GRID1: variants seen among roughly 807,000 people sequenced by gnomAD.
The protein encoded by GRID1 is glutamate receptor ionotropic, delta-1.
A neutral mutation model predicts 98.0 loss-of-function variants in GRID1; 28 were observed. That is an observed-to-expected ratio of 0.29 (90% CI 0.21 to 0.39). GRID1 has a LOEUF of 0.39. GRID1 is among the 10% of genes least tolerant of loss of function. GRID1 has a pLI of 1.00. For synonymous variants in GRID1, 553 were observed against 538.5 expected (o/e 1.03, Z -0.37); for missense variants, 1,111 against 1,340.5 (o/e 0.83, Z 2.67).
intron 4 of GRID1, among the ~76,000 whole-genome samples, chr10:85,947,200 C>CA (rs1842064516): frequency 1.3e-5 from 2 of 152,052 alleles, no homozygotes; most frequent in African/African-American, 2.4e-5. Context: ...CCGCTGCAGT[C>CA]AAAAAAGGCT....
rs1416850526 is a variant in GRID1 at position 85,954,668 on chromosome 10, T to G, written c.727-38429A>C. ...AGTGTACTCTAGCATAAGCATAAAA[T>G]AGCAAAATCAGGCAATACTTGTCCT... On this transcript the variant is annotated intron_variant, in intron 4 of 15. Transcript: ENST00000327946. 3.9e-5 allele frequency among the ~76,000 whole-genome samples: 6 copies of G among 152,188 alleles called. 1 individual carries two copies. Among genetic ancestry groups the G allele is most frequent in the Non-Finnish European group, 8.8e-5 (6 of 68,018 alleles).
At chr10:85,689,860 G>A (rs184796819) in intron 12 of GRID1, among the ~76,000 whole-genome samples, 3 of 152,164 alleles carry the variant, frequency 2.0e-5, no homozygotes, top group Non-Finnish European at 4.4e-5. Context: ...TTCATATGTA[G>A]AGAACCAGAA....
intron 3 of GRID1, among the ~76,000 whole-genome samples, chr10:86,205,167 G>C (rs1846007891): frequency 6.6e-6 from 1 of 152,256 alleles, no homozygotes; most frequent in Non-Finnish European, 1.5e-5. Flanking sequence ...TCCAGTCTTA[G>C]AGAAGAAGAG....
chr10:86,148,718 CA>C (rs140734751), intron 3 of GRID1, among the ~76,000 whole-genome samples: 1 of 151,380 alleles, frequency 6.6e-6, no homozygotes, highest in Non-Finnish European at 1.5e-5. Flanking sequence ...TTGTATACCA[CA>C]AAAAAAATAC....
chr10:85,986,291 C>T (rs1842607646), intron 4 of GRID1, among the ~76,000 whole-genome samples: 1 of 152,224 alleles, frequency 6.6e-6, no homozygotes, highest in African/African-American at 2.4e-5. Flanking sequence ...GTCTTAAAGG[C>T]AACTACCTGC....
chr10:85,727,974 C>A lies in GRID1; in HGVS notation c.1414G>T (p.Asp472Tyr). Reference sequence around the variant, plus strand: ...AAGCCCAGAGCCTTGGCCAGTGCATCCAGGACATCTATGGAGAACCCTTTG... The same window carrying A: ...AAGCCCAGAGCCTTGGCCAGTGCATACAGGACATCTATGGAGAACCCTTTG... ...RYKGFSIDVL[D>Y]ALAKALGFKY... is the part of the protein sequence containing the mutation. The change falls in exon 10 of 16, where the codon GAT becomes TAT. Residue 472 changes from aspartate to tyrosine, a missense_variant. Transcript: ENST00000327946. 1 of 1,613,760 alleles carries A rather than the reference C, an allele frequency of 6.2e-7. No individual in the cohort carries two copies. Among genetic ancestry groups the A allele is most frequent in the Non-Finnish European group, 8.5e-7 (1 of 1,179,716 alleles).
intron 4 of GRID1, among the ~76,000 whole-genome samples, chr10:86,073,702 G>A (rs1843837292): frequency 6.6e-6 from 1 of 152,212 alleles, no homozygotes; most frequent in African/African-American, 2.4e-5. Flanking sequence ...ATGCCAGGGT[G>A]AAGCTGCCCA....
chr10:86,261,542 G>T (rs1427907508), intron 2 of GRID1, among the ~76,000 whole-genome samples: 1 of 152,160 alleles, frequency 6.6e-6, no homozygotes, highest in Non-Finnish European at 1.5e-5. Flanking sequence ...TCCACTAACC[G>T]CTAGGACCCA....
At chr10:86,242,357 A>C (rs951110589) in intron 2 of GRID1, among the ~76,000 whole-genome samples, 5 of 152,160 alleles carry the variant, frequency 3.3e-5, no homozygotes, top group African/African-American at 1.2e-4. Flanking sequence ...AGGAAGAGGG[A>C]GACTGCCTCC....
At chr10:86,074,646 GC>G (rs1341658398) in intron 4 of GRID1, among the ~76,000 whole-genome samples, 6 of 152,180 alleles carry the variant, frequency 3.9e-5, no homozygotes, top group Non-Finnish European at 8.8e-5. Context: ...TGTGAACAGT[GC>G]CACAGTAAAC....
chr10:86,268,365 G>A (rs1187561839), intron 2 of GRID1, among the ~76,000 whole-genome samples: 1 of 152,226 alleles, frequency 6.6e-6, no homozygotes, highest in Non-Finnish European at 1.5e-5. Context: ...TTGGATACTG[G>A]CTGCTTGTCA....
At chr10:85,703,581 T>A (rs982860978) in intron 12 of GRID1, among the ~76,000 whole-genome samples, 1 of 152,086 alleles carries the variant, frequency 6.6e-6, no homozygotes, top group South Asian at 2.1e-4. Flanking sequence ...AGGAGAGATA[T>A]GAATATATAG....
intron 8 of GRID1, among the ~76,000 whole-genome samples, chr10:85,840,510 T>G (rs1057352056): frequency 6.6e-6 from 1 of 151,916 alleles, no homozygotes; most frequent in African/African-American, 2.4e-5. Flanking sequence ...GAGAAAGAAA[T>G]AAAGTGCATC....
At chr10:85,752,243 A>C (rs1842054983) in intron 8 of GRID1, among the ~76,000 whole-genome samples, 1 of 152,192 alleles carries the variant, frequency 6.6e-6, no homozygotes, top group Non-Finnish European at 1.5e-5. Flanking sequence ...AGACACACTC[A>C]AACTGGAGAA....
intron 4 of GRID1, among the ~76,000 whole-genome samples, chr10:85,993,375 T>C (rs981275481): frequency 2.0e-5 from 3 of 152,240 alleles, no homozygotes; most frequent in Non-Finnish European, 2.9e-5. Flanking sequence ...CCCAGGACAC[T>C]GCCTCACATA....
chr10:86,243,902 C>T lies in GRID1; in HGVS notation c.236-37254G>A, dbSNP rs77839760. On this transcript the variant is annotated intron_variant, in intron 2 of 15. Transcript: ENST00000327946. ...ATCCAGCCTTCCCCAGTCCTCGCCACCATCTCTGCACACACGTGCCACACA... is the reference window on the plus strand; with the variant it reads ...ATCCAGCCTTCCCCAGTCCTCGCCATCATCTCTGCACACACGTGCCACACA... Among the ~76,000 whole-genome samples the T allele has an allele frequency of 2.5e-3, 374 of 152,350 alleles. 2 individuals carry two copies. The highest frequency in any genetic ancestry group is 7.9e-3 in the South Asian group (38 of 4,824).
intron 4 of GRID1, among the ~76,000 whole-genome samples, chr10:85,957,445 T>C (rs1197878127): frequency 2.0e-5 from 3 of 152,088 alleles, no homozygotes; most frequent in Non-Finnish European, 4.4e-5. Context: ...GGTCTTGGTG[T>C]TCCCCCCGGT....
chr10:85,625,355 C>T (rs775856479), intron 13 of GRID1, among the ~76,000 whole-genome samples: 2 of 152,226 alleles, frequency 1.3e-5, no homozygotes, highest in Non-Finnish European at 2.9e-5. Context: ...GACACTGGCT[C>T]CCTGATAATA....
intron 12 of GRID1, among the ~76,000 whole-genome samples, chr10:85,678,635 C>T (rs1038815620): frequency 6.6e-6 from 1 of 152,126 alleles, no homozygotes; most frequent in African/African-American, 2.4e-5. Flanking sequence ...GAGACTTTGC[C>T]CCATACATCA....
Sources: gnomAD v4.1 joint callset for allele counts (sites outside exome capture counted in the v4.1 genomes callset) on GRCh38, gnomAD v4.1.1 for gene constraint, MANE v1.5 for transcripts, NCBI Gene and HGNC (gene_info 2026-07-23, HGNC 2026-07-21) for gene names.